Variants in SFXN3 observed in about 807,000 individuals in gnomAD.
The protein encoded by SFXN3 is sideroflexin 3, also known as sideroflexin-3.
In SFXN3, 31 loss-of-function variants were observed where a neutral mutation model predicts 40.4. The observed-to-expected ratio is 0.77, with a 90% confidence interval of 0.58 to 1.04. The LOEUF is 1.04. Ranked by LOEUF, SFXN3 falls within the 50% of genes least tolerant of loss-of-function variation. The probability of loss-of-function intolerance (pLI) is 0.00; values close to 1 mark genes in which losing one functional copy is unlikely to be tolerated. For synonymous variants in SFXN3, 157 were observed against 160.0 expected (o/e 0.98, Z 0.14); for missense variants, 366 against 408.2 (o/e 0.90, Z 0.89).
In SFXN3 at chr10:101,039,623, GC is replaced by G. The variant is rs1476694701; in HGVS notation, c.*39del. 1 of 1,591,312 alleles carries G rather than the reference GC, an allele frequency of 6.3e-7. No homozygotes were observed. Among genetic ancestry groups the G allele is most frequent in the South Asian group, 1.1e-5 (1 of 90,612 alleles). On this transcript the variant is annotated 3_prime_UTR_variant, in exon 12 of 12. Transcript: ENST00000393459. This position sits in a 1 kb window ranked among gnomAD's most constrained non-coding sequence, Gnocchi z 4.6. The stretch of plus-strand genomic sequence containing the variant: ...TCTGTCCCCTCCCTCACTTCCTTGG[GC>G]TGCTGCTTTAGTGGAGTCATGTCAC...
In SFXN3 at chr10:101,036,657, A is replaced by G; in HGVS notation, c.508-66A>G. 6.2e-7 allele frequency: 1 copy of G among 1,608,592 alleles called. No homozygotes were observed. The highest frequency in any genetic ancestry group is 1.3e-5 in the African/African-American group (1 of 74,746). On this transcript the variant is annotated intron_variant, in intron 6 of 11. Transcript: ENST00000393459. This position sits in a 1 kb window ranked among gnomAD's most constrained non-coding sequence, Gnocchi z 4.2. ...CAGTTCTGACCTATATGCCCCCTAT[A>G]TCTCCCCAGAGTCCCTCACCACCCC...
In SFXN3 at chr10:101,034,673, C is replaced by T. The variant is rs753727359; in HGVS notation, c.-3-19C>T. The T allele has an allele frequency of 3.1e-6, 5 of 1,613,138 alleles. No homozygotes were observed. In the East Asian group the frequency reaches 6.7e-5, roughly 22 times the overall value. ...TGGACCCTTGGACTCCCGCTCTGACCCTTATCTCTGTCCTGCAGAAAATGG... is the reference window on the plus strand; with the variant it reads ...TGGACCCTTGGACTCCCGCTCTGACTCTTATCTCTGTCCTGCAGAAAATGG... On this transcript the variant is annotated intron_variant, in intron 2 of 11. Coordinates refer to ENST00000393459, the Ensembl canonical transcript of SFXN3.
chr10:101,036,358 G>C lies in SFXN3; in HGVS notation c.432-128G>C. 2.2e-6 allele frequency: 2 copies of C among 926,126 alleles called. No individual in the cohort carries two copies. Among genetic ancestry groups the C allele is most frequent in the Middle Eastern group, 2.4e-4 (1 of 4,242 alleles). The allele number at this position is 926,126 out of a possible 1,614,324, so 57.4% of individuals were successfully genotyped here. On this transcript the variant is annotated intron_variant, in intron 5 of 11. Coordinates refer to ENST00000393459, the Ensembl canonical transcript of SFXN3. The surrounding 1 kb of genome is among the most constrained non-coding windows in gnomAD (Gnocchi z 4.2). Reference sequence around the variant, plus strand: ...GACAAGTTTACGCCGGAGATGGAGGGAAGGCTTCTTCTGCAAGGAGCTTCC... The same window carrying C: ...GACAAGTTTACGCCGGAGATGGAGGCAAGGCTTCTTCTGCAAGGAGCTTCC...
chr10:101,035,884 C>A (rs1257765697), intron 4 of SFXN3, 119 bp from the exon 5 acceptor site: 2 of 1,153,906 alleles, frequency 1.7e-6, no homozygotes, highest in Non-Finnish European at 2.6e-6. Flanking sequence ...AGAACAGGTT[C>A]TAGGGCCATT....
intron 4 of SFXN3, 123 bp downstream of exon 4, chr10:101,035,790 C>A: frequency 7.3e-7 from 1 of 1,366,472 alleles, no homozygotes; most frequent in Non-Finnish European, 1.0e-6. Flanking sequence ...TTCCATTCCT[C>A]AGAATTCAGC....
Position 101,038,752 on chromosome 10 carries a change from G to T in SFXN3, c.821+60G>T. 4 of 1,601,302 alleles carry T rather than the reference G, an allele frequency of 2.5e-6. No homozygotes were observed. In the South Asian group the frequency reaches 4.4e-5, roughly 18 times the overall value. On this transcript the variant is annotated intron_variant, in intron 10 of 11. Transcript: ENST00000393459. ...AGTGCCTTGTCCATGGTGGATGTGGGTGGGTATGGATTGTCTTTAAGATGT... is the reference window on the plus strand; with the variant it reads ...AGTGCCTTGTCCATGGTGGATGTGGTTGGGTATGGATTGTCTTTAAGATGT...
chr10:101,039,318 G>T lies in SFXN3; in HGVS notation c.869+96G>T. On this transcript the variant is annotated intron_variant, in intron 11 of 11. Coordinates refer to ENST00000393459, the Ensembl canonical transcript of SFXN3. The surrounding 1 kb of genome is among the most constrained non-coding windows in gnomAD (Gnocchi z 4.6). ...GGTCTTCCAGGGTGTTCAGGAGGAG[G>T]CCTGGCAGGCACTCCACTGATTCTG... 7.9e-7 allele frequency: 1 copy of T among 1,266,350 alleles called. No individual in the cohort carries two copies. Among genetic ancestry groups the T allele is most frequent in the Non-Finnish European group, 1.1e-6 (1 of 880,940 alleles). The allele number at this position is 1,266,350 out of a possible 1,614,324, so 78.4% of individuals were successfully genotyped here.
rs2134205691 is a variant in SFXN3 at position 101,036,750 on chromosome 10, G to A, written c.535G>A (p.Val179Met). 1.2e-6 allele frequency: 2 copies of A among 1,613,538 alleles called. No individual in the cohort carries two copies. The highest frequency in any genetic ancestry group is 2.2e-5 in the East Asian group (1 of 44,868). ...CCTGCCCCCCTTGGTCGGCAGATTT[G>A]TGCCCTTTGCAGCAGTGGCAGCTGC... is the stretch of plus-strand genomic sequence containing the variant. The change falls in exon 7 of 12, where the codon GTG becomes ATG. Residue 179 changes from valine (V) to methionine (M), a missense_variant. Transcript: ENST00000393459. This position sits in a 1 kb window ranked among gnomAD's most constrained non-coding sequence, Gnocchi z 4.2.
In SFXN3 at chr10:101,039,725, T is replaced by C; in HGVS notation, c.*140T>C. On this transcript the variant is annotated 3_prime_UTR_variant, in exon 12 of 12. Transcript: ENST00000393459. The surrounding 1 kb of genome is among the most constrained non-coding windows in gnomAD (Gnocchi z 4.6). ...GATGGCAATTGAGGGTAGCAACCTA[T>C]TAGGGTGGGGGAGGGACCTCCATAA... 4.0e-6 allele frequency: 3 copies of C among 758,138 alleles called. No homozygotes were observed. The South Asian group carries it at 4.8e-5, about 12-fold the overall frequency. 47.0% of individuals were successfully genotyped at this position (758,138 alleles called of 1,614,324 possible). A position where few individuals can be genotyped will look rare whatever the true frequency, so the allele number is the denominator to read the frequency against.
chr10:101,035,445 G>A, intron 3 of SFXN3, 52 bp from the exon 4 acceptor site: 3 of 1,548,766 alleles, frequency 1.9e-6, no homozygotes, highest in Non-Finnish European at 2.6e-6. Flanking sequence ...GGGCCTGTGA[G>A]GGCAGATCTG....
chr10:101,037,167 G>A (rs1938655503), exon 8 of SFXN3: 1 of 1,613,994 alleles, frequency 6.2e-7, no homozygotes, highest in Non-Finnish European at 8.5e-7. Context: ...CTTCCAGGTG[G>A]TGATTTCAAG....
chr10:101,032,243 A>T, intron 1 of SFXN3, 71 bp from the exon 2 acceptor site: 1 of 492,766 alleles, frequency 2.0e-6, no homozygotes, highest in Non-Finnish European at 3.7e-6. Context: ...TGGCTCTGGG[A>T]AGCAGCTTAG....
At chr10:101,037,017 C>T (rs2275383) in intron 7 of SFXN3, 59 bp from the exon 8 acceptor site, 623,120 of 1,599,236 alleles carry the variant, frequency 0.39, 126,319 homozygotes, top group Non-Finnish European at 0.42. Flanking sequence ...GCTGCTCATT[C>T]GGGCATTGCA....
intron 3 of SFXN3, 62 bp downstream of exon 3, chr10:101,034,917 T>C (rs574986337): frequency 7.0e-6 from 11 of 1,567,814 alleles, no homozygotes; most frequent in East Asian, 6.8e-5. Context: ...TAATATAATA[T>C]GTTTTGTACC....
At chr10:101,038,079 G>C in intron 9 of SFXN3, 2 of 241,232 alleles carry the variant, frequency 8.3e-6, no homozygotes, top group Non-Finnish European at 1.4e-5. Flanking sequence ...GTTTAGATAG[G>C]ATGATCAGAG....
chr10:101,036,580 C>T lies in SFXN3; in HGVS notation c.507+19C>T. The T allele has an allele frequency of 1.2e-6, 2 of 1,614,014 alleles. No individual in the cohort carries two copies. The highest frequency in any genetic ancestry group is 1.7e-6 in the Non-Finnish European group (2 of 1,179,932). ...CACCAAGGTAAAGGCCCCTCACTCC[C>T]CTGACCACCCCATTCATCCTCTATC... On this transcript the variant is annotated intron_variant, in intron 6 of 11. Transcript: ENST00000393459. The surrounding 1 kb of genome is among the most constrained non-coding windows in gnomAD (Gnocchi z 4.2).
chr10:101,037,634 G>A (rs1938687151), intron 9 of SFXN3: 3 of 1,443,488 alleles, frequency 2.1e-6, no homozygotes, highest in South Asian at 2.9e-5. Context: ...AGGAGGAGAG[G>A]ACAAAGGAAG....
At position 101,037,444 on chromosome 10, in the gene SFXN3, A is replaced by C; in HGVS notation, c.771+13A>C. The C allele has an allele frequency of 1.2e-6, 2 of 1,614,036 alleles. No homozygotes were observed. The highest frequency in any genetic ancestry group is 1.7e-6 in the Non-Finnish European group (2 of 1,180,016). ...AGACTTCCTGAAGGTAGGCGACTGT[A>C]CCTCTCTTGTCCTGGAATGGGCGAT... On this transcript the variant is annotated intron_variant, in intron 9 of 11. Coordinates refer to ENST00000393459, the Ensembl canonical transcript of SFXN3.
At chr10:101,032,142 G>T in intron 1 of SFXN3, 172 bp from the exon 2 acceptor site, 1 of 317,496 alleles carries the variant, frequency 3.1e-6, no homozygotes, top group Non-Finnish European at 5.8e-6. Context: ...GGCCCGCCAG[G>T]GGACTGTAAA....
Sources: gnomAD v4.1 joint callset for allele counts on GRCh38, gnomAD v4.1.1 for gene constraint, Gnocchi (gnomAD v3.1) non-coding constraint, MANE v1.5 for transcripts, NCBI Gene and HGNC (gene_info 2026-07-23, HGNC 2026-07-21) for gene names.